CACNA2D3: variants seen among roughly 807,000 people sequenced by gnomAD.
CACNA2D3 encodes calcium voltage-gated channel auxiliary subunit alpha2delta 3.
A neutral mutation model predicts 160.6 loss-of-function variants in CACNA2D3; 60 were observed. The observed-to-expected ratio is 0.37, with a 90% CI of 0.30 to 0.46. The LOEUF is 0.46. Ranked by LOEUF, CACNA2D3 falls within the 20% of genes least tolerant of loss-of-function variation. The pLI is 1.00. For missense variants in CACNA2D3, 1,205 were observed against 1,365.0 expected, an observed-to-expected ratio of 0.88 and a Z score of 1.85; for synonymous variants, 558 against 492.9, an observed-to-expected ratio of 1.13 and a Z score of -1.75.
intron 9 of CACNA2D3, among the ~76,000 whole-genome samples, chr3:54,600,333 T>C (rs78389218): frequency 0.092 from 14,045 of 152,236 alleles, 803 homozygotes; most frequent in South Asian, 0.19. Flanking sequence ...AGAAGGTATT[T>C]CTGCTTGTGT....
chr3:54,637,518 G>C (rs1183586200), intron 10 of CACNA2D3, among the ~76,000 whole-genome samples: 1 of 151,958 alleles, frequency 6.6e-6, no homozygotes, highest in South Asian at 2.1e-4. Context: ...AAAGAGTATT[G>C]TCTAAGTTGG....
At chr3:54,603,218 A>G (rs1366212044) in intron 9 of CACNA2D3, among the ~76,000 whole-genome samples, 1 of 152,230 alleles carries the variant, frequency 6.6e-6, no homozygotes, top group Non-Finnish European at 1.5e-5. Context: ...AGGAAGAGCC[A>G]GTGTGAGGCT....
intron 31 of CACNA2D3, among the ~76,000 whole-genome samples, chr3:54,995,967 CCA>C (rs1470819005): frequency 6.6e-6 from 1 of 152,220 alleles, no homozygotes; most frequent in Non-Finnish European, 1.5e-5. Flanking sequence ...ATTGTCATAG[CCA>C]CCTTCTAACC....
intron 4 of CACNA2D3, among the ~76,000 whole-genome samples, chr3:54,422,731 A>G (rs940303363): frequency 4.6e-5 from 7 of 152,162 alleles, no homozygotes; most frequent in African/African-American, 1.7e-4. Context: ...TCTTGCTGGT[A>G]TAGCCACACT....
chr3:54,477,626 C>G (rs949032807), intron 4 of CACNA2D3, among the ~76,000 whole-genome samples: 2 of 152,170 alleles, frequency 1.3e-5, no homozygotes, highest in African/African-American at 4.8e-5. Flanking sequence ...TTCTCTCCAC[C>G]TCCAAGTCTG....
intron 13 of CACNA2D3, among the ~76,000 whole-genome samples, chr3:54,794,755 G>A (rs562542134): frequency 5.3e-5 from 8 of 151,894 alleles, no homozygotes; most frequent in Admixed American, 2.0e-4. Context: ...TCTTTTTGAC[G>A]GGAAGTCACT....
chr3:54,807,755 CAT>C (rs949615596), intron 13 of CACNA2D3, among the ~76,000 whole-genome samples: 15 of 152,100 alleles, frequency 9.9e-5, no homozygotes, highest in African/African-American at 3.6e-4. Context: ...CACATGCACA[CAT>C]ATGTTTATTG....
intron 9 of CACNA2D3, among the ~76,000 whole-genome samples, chr3:54,592,803 G>A (rs531867230): frequency 1.3e-5 from 2 of 152,244 alleles, no homozygotes; most frequent in East Asian, 3.9e-4. Context: ...CTTTTCTTGT[G>A]GGATCAGAAG....
intron 4 of CACNA2D3, among the ~76,000 whole-genome samples, chr3:54,439,414 A>G (rs1180932553): frequency 1.3e-5 from 2 of 152,074 alleles, no homozygotes; most frequent in Admixed American, 1.3e-4. Flanking sequence ...CGGGCAGGGA[A>G]GAAGAGAGTT....
chr3:54,406,365 G>A (rs889125357), intron 4 of CACNA2D3, among the ~76,000 whole-genome samples: 12 of 152,000 alleles, frequency 7.9e-5, no homozygotes, highest in East Asian at 1.9e-4. Context: ...GTGTATGTGT[G>A]TATATATATG....
chr3:54,768,603 C>CTCTGAAG (rs1410334749), intron 13 of CACNA2D3, among the ~76,000 whole-genome samples: 2 of 152,186 alleles, frequency 1.3e-5, no homozygotes, highest in Admixed American at 6.5e-5. Context: ...AGAGGAAAGT[C>CTCTGAAG]TCTGAAGTCT....
At chr3:54,853,919 G>T in intron 17 of CACNA2D3, among the ~76,000 whole-genome samples, 1 of 152,094 alleles carries the variant, frequency 6.6e-6, no homozygotes, top group East Asian at 1.9e-4. Flanking sequence ...ACTTTCGGTG[G>T]TCCCCAAATG....
At chr3:54,772,348 C>A (rs1702336097) in intron 13 of CACNA2D3, among the ~76,000 whole-genome samples, 1 of 151,434 alleles carries the variant, frequency 6.6e-6, no homozygotes, top group Non-Finnish European at 1.5e-5. Context: ...TAAAAATGAC[C>A]CGTGAGTATA....
chr3:54,514,982 T>G (rs1701524379), intron 5 of CACNA2D3, among the ~76,000 whole-genome samples: 1 of 152,152 alleles, frequency 6.6e-6, no homozygotes, highest in African/African-American at 2.4e-5. Context: ...ATCTGATGCA[T>G]CAGCTTTTCC....
chr3:54,522,442 TC>T (rs1182001266), intron 5 of CACNA2D3, among the ~76,000 whole-genome samples: 1 of 152,224 alleles, frequency 6.6e-6, no homozygotes, highest in Non-Finnish European at 1.5e-5. Flanking sequence ...CTTAGGAATT[TC>T]TATGTACAAG....
At chr3:54,846,034 A>G (rs1366687937) in intron 16 of CACNA2D3, among the ~76,000 whole-genome samples, 1 of 152,186 alleles carries the variant, frequency 6.6e-6, no homozygotes, top group African/African-American at 2.4e-5. Context: ...AGGCACCTCC[A>G]TTGATAAAGT....
intron 9 of CACNA2D3, among the ~76,000 whole-genome samples, chr3:54,591,235 CT>C (rs1406470785): frequency 1.2e-3 from 183 of 152,296 alleles, no homozygotes; most frequent in African/African-American, 3.9e-3. Context: ...CACCCAAAAC[CT>C]TACACTGGAT....
chr3:54,389,258 G>A (rs1699240323), intron 4 of CACNA2D3, among the ~76,000 whole-genome samples: 1 of 151,396 alleles, frequency 6.6e-6, no homozygotes, highest in Non-Finnish European at 1.5e-5. Flanking sequence ...TCACGCCAGT[G>A]CACTCCAGCC....
At chr3:54,506,252 G>C (rs1375150777) in intron 5 of CACNA2D3, among the ~76,000 whole-genome samples, 2 of 151,976 alleles carry the variant, frequency 1.3e-5, no homozygotes, top group Non-Finnish European at 2.9e-5. Context: ...AGTTATTGAT[G>C]ACGTACTCAA....
Sources: gnomAD v4.1 joint callset for allele counts (sites outside exome capture counted in the v4.1 genomes callset) on GRCh38, gnomAD v4.1.1 for gene constraint, MANE v1.5 for transcripts, NCBI Gene and HGNC (gene_info 2026-07-23, HGNC 2026-07-21) for gene names.